Variants in SNTG1 observed in about 807,000 individuals in gnomAD.
The protein encoded by SNTG1 is syntrophin gamma 1, also known as gamma-1-syntrophin.
SNTG1 carries 39 observed loss-of-function variants against 74.7 expected under a neutral mutation model. The observed-to-expected ratio is 0.52, with a 90% CI of 0.40 to 0.68. SNTG1 has a LOEUF of 0.68. SNTG1 is among the 30% of genes least tolerant of loss of function. The pLI, the probability that SNTG1 is intolerant of heterozygous loss-of-function variation, is 0.00. For synonymous variants in SNTG1, 254 were observed against 217.1 expected (o/e 1.17, Z -1.49); for missense variants, 685 against 609.5 (o/e 1.12, Z -1.30).
intron 15 of SNTG1, among the ~76,000 whole-genome samples, chr8:50,695,151 G>C (rs1434773056): frequency 6.6e-6 from 1 of 151,440 alleles, no homozygotes; most frequent in Non-Finnish European, 1.5e-5. Context: ...AATTGTCCCT[G>C]TTTGCAGGTG....
chr8:50,053,026 A>T lies in SNTG1; in HGVS notation c.-102-119535A>T, dbSNP rs373237527. Among the ~76,000 whole-genome samples, 535 of 152,264 alleles carry T rather than the reference A, an allele frequency of 3.5e-3. 4 individuals carry two copies. Among genetic ancestry groups the T allele is most frequent in the South Asian group, 0.02 (99 of 4,830 alleles). Reference sequence around the variant, plus strand: ...TAATACCTTAAAATATTTAGCCTAGAGTTCTCATGTGACCCAGTAACTCCA... The same window carrying T: ...TAATACCTTAAAATATTTAGCCTAGTGTTCTCATGTGACCCAGTAACTCCA... On this transcript the variant is annotated intron_variant, in intron 1 of 18. Transcript: ENST00000642720.
chr8:50,028,681 G>A (rs1284868219), intron 1 of SNTG1, among the ~76,000 whole-genome samples: 1 of 152,040 alleles, frequency 6.6e-6, no homozygotes, highest in Non-Finnish European at 1.5e-5. Flanking sequence ...CATGGCACAT[G>A]TATACATATG....
chr8:50,414,613 ACT>A (rs929888576), intron 4 of SNTG1, among the ~76,000 whole-genome samples: 2 of 150,572 alleles, frequency 1.3e-5, no homozygotes, highest in Non-Finnish European at 3.0e-5. Context: ...TTTCCTTATT[ACT>A]CTGACTGCAC....
intron 17 of SNTG1, among the ~76,000 whole-genome samples, chr8:50,741,124 G>T (rs553182313): frequency 6.6e-6 from 1 of 151,866 alleles, no homozygotes; most frequent in Admixed American, 6.6e-5. Flanking sequence ...ACCTTCACAA[G>T]AACTTTTCTT....
chr8:50,795,143 T>C lies in SNTG1; in HGVS notation c.*2314T>C, dbSNP rs1424895454. ...TTTTGTGTACATACATTTAATATAC[T>C]TTAAATTACGTTGTAAAATGTAGCT... On this transcript the variant is annotated 3_prime_UTR_variant, in exon 19 of 19. Transcript: ENST00000642720. 3.3e-5 allele frequency: 5 copies of C among 151,992 alleles called. No homozygotes were observed. Among genetic ancestry groups the C allele is most frequent in the Middle Eastern group, 3.2e-3 (1 of 314 alleles). 9.4% of individuals were successfully genotyped at this position (151,992 alleles called of 1,614,324 possible).
chr8:50,478,286 G>T (rs59145448), intron 8 of SNTG1, among the ~76,000 whole-genome samples: 8,206 of 152,146 alleles, frequency 0.054, 334 homozygotes, highest in South Asian at 0.18. Context: ...AAATTATTTG[G>T]ACTTTAAGTC....
At position 50,660,915 on chromosome 8, in the gene SNTG1, G is replaced by C. The variant is rs533565516; in HGVS notation, c.1038+2252G>C. ...AATATGTCTTGAGATTTTTTTCTAT[G>C]ACAGTTAATGTTCCTTAAAAACACT... On this transcript the variant is annotated intron_variant, in intron 15 of 18. Coordinates refer to ENST00000642720, the MANE Select transcript of SNTG1 (RefSeq NM_018967.5). Among the ~76,000 whole-genome samples, 102 of 151,998 alleles carry C rather than the reference G, an allele frequency of 6.7e-4. 2 individuals carry two copies. The highest frequency in any genetic ancestry group is 3.4e-3 in the Middle Eastern group (1 of 294).
chr8:50,770,738 C>T (rs1018421533), intron 18 of SNTG1, among the ~76,000 whole-genome samples: 18 of 152,004 alleles, frequency 1.2e-4, no homozygotes, highest in African/African-American at 2.9e-4. Context: ...GAATAATGCC[C>T]TCTTGTGGGA....
intron 12 of SNTG1, among the ~76,000 whole-genome samples, chr8:50,566,938 G>C (rs1002087710): frequency 1.3e-5 from 2 of 151,952 alleles, no homozygotes; most frequent in African/African-American, 4.8e-5. Context: ...ATATGATGCT[G>C]AAACATTTGC....
At chr8:50,087,723 A>G (rs933526486) in intron 1 of SNTG1, among the ~76,000 whole-genome samples, 7 of 152,118 alleles carry the variant, frequency 4.6e-5, no homozygotes, top group Admixed American at 6.6e-5. Context: ...ACAGACAACT[A>G]TGGGCAGTCC....
intron 9 of SNTG1, among the ~76,000 whole-genome samples, chr8:50,528,346 T>G (rs1314946595): frequency 1.3e-5 from 2 of 151,996 alleles, no homozygotes; most frequent in African/African-American, 4.8e-5. Context: ...AATTTGCTTT[T>G]TGTAAAAAAC....
At chr8:50,008,343 T>C (rs537526627) in intron 1 of SNTG1, among the ~76,000 whole-genome samples, 1 of 152,324 alleles carries the variant, frequency 6.6e-6, no homozygotes, top group Admixed American at 6.5e-5. Context: ...CAGGACTAAA[T>C]GAGCTAATAT....
intron 8 of SNTG1, among the ~76,000 whole-genome samples, chr8:50,462,367 T>G (rs1316227427): frequency 6.6e-6 from 1 of 150,602 alleles, no homozygotes; most frequent in Non-Finnish European, 1.5e-5. Context: ...TAGCTCTCAG[T>G]GAGTCATAAT....
At chr8:50,099,607 T>G (rs770415121) in intron 1 of SNTG1, among the ~76,000 whole-genome samples, 2 of 152,102 alleles carry the variant, frequency 1.3e-5, no homozygotes, top group Non-Finnish European at 2.9e-5. Context: ...TGAATTCCCT[T>G]CAACAGTGTA....
At chr8:50,529,770 TA>T (rs2094251223) in intron 9 of SNTG1, among the ~76,000 whole-genome samples, 1 of 152,062 alleles carries the variant, frequency 6.6e-6, no homozygotes, top group Admixed American at 6.6e-5. Context: ...CATGGAAAAT[TA>T]TAGTTTCTAA....
At chr8:50,341,192 A>G (rs76850361) in intron 2 of SNTG1, among the ~76,000 whole-genome samples, 1,794 of 151,976 alleles carry the variant, frequency 0.012, 15 homozygotes, top group Non-Finnish European at 0.019. Flanking sequence ...CTTTCCATAT[A>G]TATTTTTTCC....
intron 1 of SNTG1, among the ~76,000 whole-genome samples, chr8:49,967,034 T>C (rs1422288233): frequency 6.6e-6 from 1 of 152,150 alleles, no homozygotes; most frequent in Admixed American, 6.5e-5. Flanking sequence ...TGGAGAGCAC[T>C]CTATTAGAAA....
At chr8:50,054,614 A>G (rs1819869987) in intron 1 of SNTG1, among the ~76,000 whole-genome samples, 1 of 152,010 alleles carries the variant, frequency 6.6e-6, no homozygotes, top group Non-Finnish European at 1.5e-5. Flanking sequence ...AAGGTATACA[A>G]TTTTTAACCT....
At chr8:50,409,278 A>G (rs539358084) in intron 4 of SNTG1, among the ~76,000 whole-genome samples, 18 of 152,340 alleles carry the variant, frequency 1.2e-4, no homozygotes, top group Admixed American at 1.1e-3. Flanking sequence ...ACAGCTAGAG[A>G]GTTAAAACTG....
Sources: gnomAD v4.1 joint callset for allele counts (sites outside exome capture counted in the v4.1 genomes callset) on GRCh38, gnomAD v4.1.1 for gene constraint, MANE v1.5 for transcripts, NCBI Gene and HGNC (gene_info 2026-07-23, HGNC 2026-07-21) for gene names.